Variants in ADAMTSL1 observed in about 807,000 individuals in gnomAD.
ADAMTSL1 encodes ADAMTS like 1, also known as ADAMTS-like protein 1.
A neutral mutation model predicts 201.8 loss-of-function variants in ADAMTSL1; 126 were observed. The observed-to-expected ratio is 0.62, with a 90% CI of 0.54 to 0.72. The LOEUF is 0.72. ADAMTSL1 is among the 30% of genes least tolerant of loss of function. The probability of loss-of-function intolerance (pLI) is 0.00; values close to 1 mark genes in which losing one functional copy is unlikely to be tolerated. For missense variants in ADAMTSL1, 2,679 were observed against 2,277.8 expected, an observed-to-expected ratio of 1.18 and a Z score of -3.59; for synonymous variants, 1,121 against 903.4, an observed-to-expected ratio of 1.24 and a Z score of -4.32.
At chr9:18,542,444 C>G (rs563953585) in intron 3 of ADAMTSL1, among the ~76,000 whole-genome samples, 210 of 152,242 alleles carry the variant, frequency 1.4e-3, no homozygotes, top group African/African-American at 4.8e-3. Flanking sequence ...ACCTCAAAAT[C>G]TAACTATATT....
At chr9:17,999,753 G>T (rs4007667) in intron 1 of ADAMTSL1, among the ~76,000 whole-genome samples, 2 of 139,628 alleles carry the variant, frequency 1.4e-5, no homozygotes, top group East Asian at 4.7e-4. Flanking sequence ...ATCCCTCCCC[G>T]CTCCCCCCAC....
intron 1 of ADAMTSL1, among the ~76,000 whole-genome samples, chr9:17,989,529 ATTACT>A (rs1180816953): frequency 6.6e-6 from 1 of 152,006 alleles, no homozygotes; most frequent in Non-Finnish European, 1.5e-5. Context: ...TTGCAAGTTA[ATTACT>A]TTAAATGAAT....
At chr9:18,397,256 C>T (rs992676244) in intron 2 of ADAMTSL1, among the ~76,000 whole-genome samples, 1 of 152,058 alleles carries the variant, frequency 6.6e-6, no homozygotes, top group Non-Finnish European at 1.5e-5. Context: ...GCCTTGCTTC[C>T]TTTCCCATAT....
intron 13 of ADAMTSL1, among the ~76,000 whole-genome samples, chr9:18,703,379 G>A: frequency 6.6e-6 from 1 of 152,024 alleles, no homozygotes; most frequent in African/African-American, 2.4e-5. Context: ...TTATTCATTT[G>A]TCCATTTGCA....
intron 4 of ADAMTSL1, among the ~76,000 whole-genome samples, chr9:18,606,101 T>G (rs1824995024): frequency 6.6e-6 from 1 of 152,132 alleles, no homozygotes; most frequent in South Asian, 2.1e-4. Flanking sequence ...TGCGAGCTGT[T>G]TGGGCTGAGT....
intron 1 of ADAMTSL1, among the ~76,000 whole-genome samples, chr9:18,090,757 C>T (rs375769443): frequency 6.6e-6 from 1 of 152,144 alleles, no homozygotes; most frequent in Admixed American, 6.6e-5. Flanking sequence ...TTTTATGTAT[C>T]TTTAAACACA....
intron 2 of ADAMTSL1, among the ~76,000 whole-genome samples, chr9:18,455,193 C>G (rs1820554865): frequency 6.6e-6 from 1 of 152,166 alleles, no homozygotes; most frequent in Non-Finnish European, 1.5e-5. Context: ...ACTTGATAGT[C>G]TCCCACTTAG....
upstream of ADAMTSL1, among the ~76,000 whole-genome samples, chr9:18,472,014 C>T (rs768597291): frequency 6.6e-6 from 1 of 152,182 alleles, no homozygotes; most frequent in Non-Finnish European, 1.5e-5. Context: ...TTTTCTTTCT[C>T]CCATTACCTA....
intron 23 of ADAMTSL1, among the ~76,000 whole-genome samples, chr9:18,875,524 G>C (rs947623280): frequency 2.6e-5 from 4 of 152,092 alleles, no homozygotes; most frequent in Admixed American, 6.5e-5. Flanking sequence ...CAGTCATTCA[G>C]GAGCAGGTTA....
intron 9 of ADAMTSL1, among the ~76,000 whole-genome samples, chr9:18,673,177 T>G (rs1829932222): frequency 1.3e-5 from 2 of 152,150 alleles, no homozygotes; most frequent in Admixed American, 1.3e-4. Context: ...TGGGGAGAAC[T>G]TCTTAAAGTC....
intron 1 of ADAMTSL1, among the ~76,000 whole-genome samples, chr9:18,020,344 G>C (rs1416461752): frequency 1.2e-4 from 18 of 152,018 alleles, no homozygotes; most frequent in Admixed American, 1.2e-3. Context: ...CCAAACTTAG[G>C]TTGTGAAAAA....
At chr9:18,635,257 T>A (rs1827042244) in intron 5 of ADAMTSL1, among the ~76,000 whole-genome samples, 1 of 152,172 alleles carries the variant, frequency 6.6e-6, no homozygotes, top group Non-Finnish European at 1.5e-5. Context: ...CTCTAATTTT[T>A]AAAAATGTCT....
intron 2 of ADAMTSL1, among the ~76,000 whole-genome samples, chr9:18,315,156 T>G (rs1463349716): frequency 6.6e-6 from 1 of 152,134 alleles, no homozygotes; most frequent in Non-Finnish European, 1.5e-5. Flanking sequence ...GGGTGCTGAT[T>G]GGTGCATTTG....
At chr9:18,800,292 G>A (rs569042194) in intron 20 of ADAMTSL1, among the ~76,000 whole-genome samples, 14 of 145,260 alleles carry the variant, frequency 9.6e-5, no homozygotes, top group African/African-American at 3.1e-4. Flanking sequence ...CAGGAGAATC[G>A]CTTGAACCCG....
chr9:18,821,395 A>G (rs1281626843), intron 21 of ADAMTSL1, among the ~76,000 whole-genome samples: 1 of 152,156 alleles, frequency 6.6e-6, no homozygotes, highest in Non-Finnish European at 1.5e-5. Context: ...GGTTACCTCT[A>G]TCCTATCAAC....
intron 2 of ADAMTSL1, among the ~76,000 whole-genome samples, chr9:18,213,301 C>T (rs1426055836): frequency 1.3e-5 from 2 of 152,134 alleles, no homozygotes; most frequent in Non-Finnish European, 2.9e-5. Context: ...TAGGATCACG[C>T]TCTTGATTCA....
intron 24 of ADAMTSL1, 119 bp downstream of exon 24, chr9:18,888,162 C>G: frequency 9.7e-7 from 1 of 1,035,402 alleles, no homozygotes; most frequent in South Asian, 1.6e-5. Context: ...GCATGAAAAC[C>G]AAAGCCATGC....
chr9:18,518,227 G>A (rs986620335), intron 2 of ADAMTSL1, among the ~76,000 whole-genome samples: 1 of 152,086 alleles, frequency 6.6e-6, no homozygotes, highest in African/African-American at 2.4e-5. Flanking sequence ...TGGGGTTTGG[G>A]CTTCCAGTAT....
chr9:18,680,587 C>T (rs1413919134), intron 11 of ADAMTSL1, 71 bp downstream of exon 11: 4 of 1,543,374 alleles, frequency 2.6e-6, no homozygotes, highest in South Asian at 1.1e-5. Context: ...CATGGCCCCA[C>T]CGGGTACCCT....
Sources: allele counts gnomAD v4.1 joint callset (sites outside exome capture counted in the v4.1 genomes callset), GRCh38; gene constraint gnomAD v4.1.1; transcripts MANE v1.5; gene names NCBI Gene and HGNC (gene_info 2026-07-23, HGNC 2026-07-21).